Variants in ALDH16A1 observed in about 807,000 individuals in gnomAD.
ALDH16A1 encodes the protein aldehyde dehydrogenase 16 family member A1, also known as aldehyde dehydrogenase family 16 member A1.
ALDH16A1 carries 88 observed loss-of-function variants against 96.1 expected under a neutral mutation model. The observed-to-expected ratio is 0.92, with a 90% CI of 0.77 to 1.09. The LOEUF is 1.09. ALDH16A1 is among the 50% of genes least tolerant of loss of function. The probability of loss-of-function intolerance (pLI) is 0.00; values close to 1 mark genes in which losing one functional copy is unlikely to be tolerated. For missense variants in ALDH16A1, 1,250 were observed against 1,112.6 expected (o/e 1.12, Z -1.76); for synonymous variants, 522 against 496.4 (o/e 1.05, Z -0.69).
chr19:49,458,748 T>G (rs1157899577), intron 2 of ALDH16A1, among the ~76,000 whole-genome samples, 160 bp downstream of exon 2: 10 of 152,184 alleles, frequency 6.6e-5, no homozygotes, highest in Non-Finnish European at 1.5e-5. Flanking sequence ...CCAGTCACCC[T>G]AATTATGGTT....
At chr19:49,469,113 G>A in intron 16 of ALDH16A1, 127 bp downstream of exon 16, 1 of 1,391,756 alleles carries the variant, frequency 7.2e-7, no homozygotes, top group Non-Finnish European at 9.6e-7. Flanking sequence ...TGACAAGAAG[G>A]TTTTGAGGCC....
In ALDH16A1 at chr19:49,459,142, G is replaced by T; in HGVS notation, c.320+56G>T. On this transcript the variant is annotated intron_variant, in intron 3 of 16. Transcript: ENST00000293350. This position sits in a 1 kb window ranked among gnomAD's most constrained non-coding sequence, Gnocchi z 4.1. ...GCGGGGAACCCCAGCATCCACTCGA[G>T]ACCATGGGAACAAAGGCTATTTCCC... The T allele has an allele frequency of 6.4e-7, 1 of 1,574,038 alleles. No homozygotes were observed. The highest frequency in any genetic ancestry group is 8.6e-7 in the Non-Finnish European group (1 of 1,158,392).
rs746884371 is a variant in ALDH16A1, at chr19:49,459,709, G to A, written c.360G>A (p.Trp120Ter). 1 of 1,612,608 alleles carries A rather than the reference G, an allele frequency of 6.2e-7. No individual in the cohort carries two copies. The highest frequency in any genetic ancestry group is 8.5e-7 in the Non-Finnish European group (1 of 1,179,554). Reference protein sequence around the residue: ...EVIQKHQRLLWTLESLVTGRA... With the variant: ...EVIQKHQRLL ...TCCAGAAGCACCAGCGGCTGCTGTG[G>A]ACCCTGGAATCCCTGGTGACTGGGC... The change falls in exon 4 of 17, where the codon TGG becomes TGA. Residue 120 changes from tryptophan to a stop codon, truncating the protein, a stop_gained. Transcript: ENST00000293350. LOFTEE classifies it high-confidence loss of function. The surrounding 1 kb of genome is among the most constrained non-coding windows in gnomAD (Gnocchi z 4.1).
In ALDH16A1 at chr19:49,459,830, G is replaced by A. The variant is rs1391151758; in HGVS notation, c.481G>A (p.Ala161Thr). The change falls in exon 4 of 17, where the codon GCA becomes ACA. Residue 161 changes from alanine to threonine, a missense_variant. Coordinates refer to ENST00000293350, the MANE Select transcript of ALDH16A1 (RefSeq NM_153329.4). This position sits in a 1 kb window ranked among gnomAD's most constrained non-coding sequence, Gnocchi z 4.1. ...IQASTQEEAL[A>T]GWEPMGVIGL... ...GGCATCCACCCAGGAGGAGGCACTG[G>A]CAGGCTGGGAGCCCATGGGTGAGAC... The A allele has an allele frequency of 6.2e-7, 1 of 1,613,110 alleles. No individual in the cohort carries two copies. Among genetic ancestry groups the A allele is most frequent in the East Asian group, 2.2e-5 (1 of 44,844 alleles).
In ALDH16A1 at chr19:49,462,767, G is replaced by A. The variant is rs1214124430; in HGVS notation, c.1098+12G>A. The A allele has an allele frequency of 1.9e-6, 3 of 1,556,208 alleles. No homozygotes were observed. Among genetic ancestry groups the A allele is most frequent in the Non-Finnish European group, 2.6e-6 (3 of 1,153,290 alleles). ...GCCAGGGTGCACAGGTGAGGCAGGGGGTAGAGACTTGAGGGTGTCAGGGGA... is the reference window on the plus strand; with the variant it reads ...GCCAGGGTGCACAGGTGAGGCAGGGAGTAGAGACTTGAGGGTGTCAGGGGA... On this transcript the variant is annotated intron_variant, in intron 8 of 16. Coordinates refer to ENST00000293350, the MANE Select transcript of ALDH16A1 (RefSeq NM_153329.4).
intron 1 of ALDH16A1, 21 bp downstream of exon 1, chr19:49,453,442 C>G: frequency 1.3e-6 from 2 of 1,510,964 alleles, no homozygotes; most frequent in Non-Finnish European, 1.8e-6. Context: ...GCCCGGCCGG[C>G]GCTGCTCGCT....
At chr19:49,453,873 C>T (rs1328000436) in intron 1 of ALDH16A1, among the ~76,000 whole-genome samples, 3 of 152,012 alleles carry the variant, frequency 2.0e-5, no homozygotes, top group Non-Finnish European at 4.4e-5. Context: ...GAGGGACTCC[C>T]TTCATCCCTT....
Position 49,460,902 on chromosome 19 carries a change from A to G in ALDH16A1, c.577+3A>G, listed in dbSNP as rs2122383053. 1 of 1,612,902 alleles carries G rather than the reference A, an allele frequency of 6.2e-7. No homozygotes were observed. Among genetic ancestry groups the G allele is most frequent in the Non-Finnish European group, 8.5e-7 (1 of 1,179,630 alleles). On this transcript the variant is annotated splice_donor_region_variant and intron_variant, in intron 5 of 16. Coordinates refer to ENST00000293350, the MANE Select transcript of ALDH16A1 (RefSeq NM_153329.4). ...GATTTGCCCTGCCCTGGCTGTGGGT[A>G]AATGATGGCCTGGGGGGTCCTGACT... is the stretch of plus-strand genomic sequence containing the variant.
chr19:49,469,126 G>A (rs975321453), intron 16 of ALDH16A1, 140 bp downstream of exon 16: 30 of 1,287,952 alleles, frequency 2.3e-5, no homozygotes, highest in Non-Finnish European at 2.5e-5. Context: ...TTGAGGCCCC[G>A]CCCTTAGGAC....
In ALDH16A1 at chr19:49,453,328, G is replaced by A; in HGVS notation, c.-4G>A. 3 of 1,561,938 alleles carry A rather than the reference G, an allele frequency of 1.9e-6. No individual in the cohort carries two copies. Among genetic ancestry groups the A allele is most frequent in the African/African-American group, 1.3e-5 (1 of 74,096 alleles). The stretch of plus-strand genomic sequence containing the variant: ...GTCTTCGCGGAAAGCGTTCGGGGTA[G>A]GCGATGGCTGCGACGCGTGCAGGGC... On this transcript the variant is annotated 5_prime_UTR_variant, in exon 1 of 17. Coordinates refer to ENST00000293350, the MANE Select transcript of ALDH16A1 (RefSeq NM_153329.4).
chr19:49,462,564 T>A lies in ALDH16A1; in HGVS notation c.913-6T>A. On this transcript the variant is annotated splice_polypyrimidine_tract_variant and splice_region_variant and intron_variant, in intron 7 of 16. Transcript: ENST00000293350. The stretch of plus-strand genomic sequence containing the variant: ...TGTGATCTCCTGATGCCCCTTTTCC[T>A]CACAGGGTGGCCTCAGGCTCCTCAT... The A allele has an allele frequency of 1.2e-6, 2 of 1,611,962 alleles. No homozygotes were observed. The highest frequency in any genetic ancestry group is 2.2e-5 in the South Asian group (2 of 90,948).
Position 49,470,449 on chromosome 19 carries a change from G to A in ALDH16A1, c.2391G>A (p.Trp797Ter), listed in dbSNP as rs79095108. The change falls in exon 17 of 17, where the codon TGG becomes TGA. Residue 797 changes from tryptophan (W) to a stop codon, truncating the protein, a stop_gained. Coordinates refer to ENST00000293350, the MANE Select transcript of ALDH16A1 (RefSeq NM_153329.4). LOFTEE classifies it high-confidence loss of function. ...GAGTGGCGCGGACCAAGGCCCTGTGGCTGCCTATGGGGGACTGATGCCTGA... is the reference window on the plus strand; with the variant it reads ...GAGTGGCGCGGACCAAGGCCCTGTGACTGCCTATGGGGGACTGATGCCTGA... ...GLRVARTKAL[W>*]LPMGD 6.3e-7 allele frequency: 1 copy of A among 1,597,320 alleles called. No homozygotes were observed. The highest frequency in any genetic ancestry group is 1.1e-5 in the South Asian group (1 of 89,384).
intron 14 of ALDH16A1, among the ~76,000 whole-genome samples, chr19:49,466,832 C>T (rs2079203285): frequency 1.3e-5 from 2 of 151,704 alleles, no homozygotes; most frequent in Non-Finnish European, 2.9e-5. Flanking sequence ...TGCACTCCAG[C>T]CTGAGTGACA....
chr19:49,460,745 G>A, intron 4 of ALDH16A1, 77 bp from the exon 5 acceptor site: 2 of 1,243,588 alleles, frequency 1.6e-6, no homozygotes, highest in Non-Finnish European at 2.3e-6. Flanking sequence ...TGTAGCCATG[G>A]GGTCTTGCCA....
rs1359866763 is a variant in ALDH16A1 at position 49,461,689 on chromosome 19, G to A, written c.648G>A (p.Glu216=). The A allele has an allele frequency of 5.0e-6, 8 of 1,607,976 alleles. 1 individual carries two copies. Among genetic ancestry groups the A allele is most frequent in the South Asian group, 1.1e-5 (1 of 90,292 alleles). ...APLLLAQLAG[E]LGPFPGILNV... ...TCCTCCTGGCCCAGCTGGCGGGGGA[G>A]CTGGGCCCCTTCCCGGGAATCCTGA... Residue 216 remains glutamate, a synonymous_variant, in exon 6 of 17, where the codon GAG becomes GAA. Coordinates refer to ENST00000293350, the MANE Select transcript of ALDH16A1 (RefSeq NM_153329.4).
At chr19:49,460,999 T>C (rs2079136915) in intron 5 of ALDH16A1, 100 bp downstream of exon 5, 1 of 1,288,694 alleles carries the variant, frequency 7.8e-7, no homozygotes, top group Admixed American at 1.7e-5. Flanking sequence ...GCTGGAGGCC[T>C]GGACTCTGTG....
chr19:49,458,018 A>T (rs2079115080), intron 1 of ALDH16A1, among the ~76,000 whole-genome samples: 1 of 152,092 alleles, frequency 6.6e-6, no homozygotes, highest in Non-Finnish European at 1.5e-5. Context: ...GTTCAAGACC[A>T]GCCTGACCAA....
At chr19:49,467,904 C>A (rs1323844691) in intron 14 of ALDH16A1, among the ~76,000 whole-genome samples, 1 of 150,790 alleles carries the variant, frequency 6.6e-6, no homozygotes, top group Non-Finnish European at 1.5e-5. Flanking sequence ...CCTGTAATCT[C>A]AGCACTTTGC....
Position 49,462,729 on chromosome 19 carries a change from C to A in ALDH16A1, c.1072C>A (p.Arg358Ser). Residue 358 changes from arginine to serine, a missense_variant, in exon 8 of 17, where the codon CGT (arginine) becomes AGT (serine). By Grantham distance (110) the Arg-to-Ser change is moderately radical. Coordinates refer to ENST00000293350, the MANE Select transcript of ALDH16A1 (RefSeq NM_153329.4). ...ATGTGACCTGGTCCAGCGCTTTGTG[C>A]GTGAGGCCCAGAGCCAGGGTGCACA... is the stretch of plus-strand genomic sequence containing the variant. ...AACDLVQRFV[R>S]EAQSQGAQVF... The A allele has an allele frequency of 6.3e-7, 1 of 1,598,378 alleles. No homozygotes were observed. Among genetic ancestry groups the A allele is most frequent in the Admixed American group, 1.8e-5 (1 of 57,058 alleles).
Sources: gnomAD v4.1 joint callset for allele counts (sites outside exome capture counted in the v4.1 genomes callset) on GRCh38, gnomAD v4.1.1 for gene constraint, Gnocchi (gnomAD v3.1) non-coding constraint, MANE v1.5 for transcripts, NCBI Gene and HGNC (gene_info 2026-07-23, HGNC 2026-07-21) for gene names.